The following ARHGEF11 variants were observed in gnomAD, a reference collection of about 807,000 sequenced individuals.
ARHGEF11 encodes Rho guanine exchange factor (GEF) 11.
A neutral mutation model predicts 193.7 loss-of-function variants in ARHGEF11; 55 were observed. The observed-to-expected ratio is 0.28, with a 90% CI of 0.23 to 0.36. The LOEUF (loss-of-function observed/expected upper bound fraction) is 0.36, where lower values mean the gene tolerates loss of function less well. Ranked by LOEUF, ARHGEF11 falls within the 10% of genes least tolerant of loss-of-function variation. ARHGEF11 has a pLI of 1.00. For synonymous variants in ARHGEF11, 693 were observed against 768.0 expected (o/e 0.90, Z 1.62); for missense variants, 1,723 against 2,005.6 (o/e 0.86, Z 2.69).
chr1:156,936,603 G>C (rs1655399156), intron 40 of ARHGEF11, among the ~76,000 whole-genome samples: 1 of 149,102 alleles, frequency 6.7e-6, no homozygotes, highest in South Asian at 2.1e-4. Flanking sequence ...CAAGGAAAAA[G>C]AGGGCTCAGT....
intron 1 of ARHGEF11, among the ~76,000 whole-genome samples, chr1:157,031,132 G>T (rs1026028327): frequency 6.6e-6 from 1 of 152,156 alleles, no homozygotes; most frequent in Non-Finnish European, 1.5e-5. Flanking sequence ...TGCTCCAGCA[G>T]AGTGAAAGTT....
chr1:156,954,743 C>G (rs1443659988), intron 21 of ARHGEF11, 149 bp downstream of exon 21: 1 of 752,162 alleles, frequency 1.3e-6, no homozygotes, highest in Admixed American at 2.7e-5. Flanking sequence ...CAACAATGAG[C>G]AACGCATAAG....
chr1:157,003,412 A>G (rs561096055), intron 1 of ARHGEF11, among the ~76,000 whole-genome samples: 1 of 152,242 alleles, frequency 6.6e-6, no homozygotes, highest in Non-Finnish European at 1.5e-5. Flanking sequence ...GCTTGAGTCT[A>G]TACTATGCCA....
chr1:156,964,592 G>A (rs1661439544), intron 11 of ARHGEF11, among the ~76,000 whole-genome samples: 1 of 152,008 alleles, frequency 6.6e-6, no homozygotes, highest in African/African-American at 2.4e-5. Flanking sequence ...GATATTTATG[G>A]TCTCTATGCC....
chr1:157,044,022 C>T (rs548322973), intron 1 of ARHGEF11, among the ~76,000 whole-genome samples: 1 of 152,308 alleles, frequency 6.6e-6, no homozygotes, highest in East Asian at 1.9e-4. Context: ...TCAGCCTCTA[C>T]CCTGGCAAAA....
intron 1 of ARHGEF11, among the ~76,000 whole-genome samples, chr1:157,035,550 A>T (rs1750803): frequency 4.0e-5 from 6 of 151,744 alleles, no homozygotes; most frequent in African/African-American, 1.5e-4. Flanking sequence ...GGATTACAGG[A>T]ATGCACCACC....
chr1:156,953,657 G>C (rs1340352095), intron 21 of ARHGEF11, among the ~76,000 whole-genome samples: 1 of 152,052 alleles, frequency 6.6e-6, no homozygotes, highest in Non-Finnish European at 1.5e-5. Context: ...ATAGTTTCCA[G>C]GTTGCATCCC....
upstream of ARHGEF11, among the ~76,000 whole-genome samples, chr1:157,046,053 C>T (rs1206337828): frequency 6.6e-6 from 1 of 151,200 alleles, no homozygotes; most frequent in Non-Finnish European, 1.5e-5. Flanking sequence ...CCTCCCTGCG[C>T]GCCCTGCCCC....
chr1:157,022,089 T>G (rs370680598), intron 1 of ARHGEF11, among the ~76,000 whole-genome samples: 1 of 152,220 alleles, frequency 6.6e-6, no homozygotes, highest in Non-Finnish European at 1.5e-5. Context: ...TCATACTTAA[T>G]GGTGAAAAAC....
Position 157,036,901 on chromosome 1 carries a change from G to A in ARHGEF11, c.32+7398C>T, listed in dbSNP as rs993814302. On this transcript the variant is annotated intron_variant, in intron 1 of 40. Coordinates refer to ENST00000368194, the MANE Select transcript of ARHGEF11 (RefSeq NM_198236.3). Reference sequence around the variant, plus strand: ...AGCACTGTGGGAGGTGGAGGCGGGCGGATCACCTGAGATCAGGAGTTTGAG... The same window carrying A: ...AGCACTGTGGGAGGTGGAGGCGGGCAGATCACCTGAGATCAGGAGTTTGAG... Among the ~76,000 whole-genome samples, 4 of 152,020 alleles carry A rather than the reference G, an allele frequency of 2.6e-5. No individual in the cohort carries two copies. The East Asian group carries it at 7.8e-4, about 30-fold the overall frequency.
intron 30 of ARHGEF11, 74 bp downstream of exon 30, chr1:156,944,945 C>A: frequency 6.5e-7 from 1 of 1,546,432 alleles, no homozygotes; most frequent in Non-Finnish European, 8.7e-7. Context: ...ACTCTCCAAG[C>A]CCTGACCAGT....
chr1:156,967,645 C>T (rs1031607838), intron 11 of ARHGEF11, among the ~76,000 whole-genome samples: 2 of 151,848 alleles, frequency 1.3e-5, no homozygotes, highest in Non-Finnish European at 2.9e-5. Flanking sequence ...TGCTAAGGAA[C>T]GGGGAAACTG....
At chr1:156,997,847 G>C (rs567528321) in intron 1 of ARHGEF11, among the ~76,000 whole-genome samples, 15 of 151,458 alleles carry the variant, frequency 9.9e-5, no homozygotes, top group African/African-American at 3.6e-4. Flanking sequence ...AATTTCACCT[G>C]TATTATTTTT....
chr1:157,015,368 T>C (rs1380609108), intron 1 of ARHGEF11, among the ~76,000 whole-genome samples: 2 of 152,190 alleles, frequency 1.3e-5, no homozygotes, highest in East Asian at 1.9e-4. Flanking sequence ...CAGGCTGTTA[T>C]GAGGATTAAA....
rs1279738870 is a variant in ARHGEF11 at position 156,948,634 on chromosome 1, C to CT, written c.1926-137_1926-136insA. On this transcript the variant is annotated intron_variant, in intron 22 of 40. Transcript: ENST00000368194. The surrounding 1 kb of genome is among the most constrained non-coding windows in gnomAD (Gnocchi z 4.2). ...GTTCTCCTCCTGAACATGGCCAAAG[C>CT]AGCTGGATGGCAGTGGAAGCTTCTC... 3 of 1,576,902 alleles carry CT rather than the reference C, an allele frequency of 1.9e-6. No individual in the cohort carries two copies. Among genetic ancestry groups the CT allele is most frequent in the Non-Finnish European group, 2.6e-6 (3 of 1,165,484 alleles).
chr1:157,010,189 T>A (rs1005995140), intron 1 of ARHGEF11, among the ~76,000 whole-genome samples: 4 of 152,050 alleles, frequency 2.6e-5, no homozygotes, highest in African/African-American at 9.7e-5. Flanking sequence ...AAATAAATTT[T>A]AAAAACACAA....
chr1:157,045,084 A>AT lies in ARHGEF11; in HGVS notation c.-755_-754insA, dbSNP rs1243084113. The AT allele has an allele frequency of 1.3e-5, 2 of 152,158 alleles. No individual in the cohort carries two copies. The highest frequency in any genetic ancestry group is 4.8e-5 in the African/African-American group (2 of 41,434). The allele number at this position is 152,158 out of a possible 1,614,324, so 9.4% of individuals were successfully genotyped here. On this transcript the variant is annotated 5_prime_UTR_variant, in exon 1 of 41. Coordinates refer to ENST00000368194, the MANE Select transcript of ARHGEF11 (RefSeq NM_198236.3). ...TTAAATGAGCCAATTGCACCAAAAA[A>AT]AAAAATAAAATAAAAATCAAAGAAC... is the stretch of plus-strand genomic sequence containing the variant.
chr1:156,956,601 C>G (rs770845262), intron 18 of ARHGEF11, 37 bp from the exon 19 acceptor site: 1 of 1,612,248 alleles, frequency 6.2e-7, no homozygotes, highest in Non-Finnish European at 8.5e-7. Context: ...TCAGAGAGCT[C>G]AAGTTATCTT....
rs1460127300 is a variant in ARHGEF11 at position 157,043,130 on chromosome 1, C to A, written c.32+1169G>T. 2.6e-5 allele frequency among the ~76,000 whole-genome samples: 4 copies of A among 152,168 alleles called. No homozygotes were observed. In the South Asian group the frequency reaches 8.3e-4, roughly 32 times the overall value. ...AGAGAGAGATTATATGCATTTTAGG[C>A]CACATTCCACAACCAAAAGGAAATT... On this transcript the variant is annotated intron_variant, in intron 1 of 40. Transcript: ENST00000368194.
Sources: allele counts gnomAD v4.1 joint callset (sites outside exome capture counted in the v4.1 genomes callset), GRCh38; gene constraint gnomAD v4.1.1; non-coding constraint Gnocchi (gnomAD v3.1); transcripts MANE v1.5; gene names NCBI Gene and HGNC (gene_info 2026-07-23, HGNC 2026-07-21).